MDN1: variants seen among roughly 807,000 people sequenced by gnomAD.
MDN1 encodes the protein midasin.
A neutral mutation model predicts 669.2 loss-of-function variants in MDN1; 266 were observed. That is an observed-to-expected ratio of 0.40 (90% CI 0.36 to 0.44). The LOEUF (loss-of-function observed/expected upper bound fraction) is 0.44. Ranked by LOEUF, MDN1 falls within the 20% of genes least tolerant of loss-of-function variation. The pLI is 1.00. For missense variants in MDN1, 5,940 were observed against 6,754.0 expected (o/e 0.88, Z 4.22); for synonymous variants, 2,385 against 2,457.1 (o/e 0.97, Z 0.87).
Position 89,722,944 on chromosome 6 carries a change from G to C in MDN1, c.5967+11C>G, listed in dbSNP as rs985457367. Reference sequence around the variant, plus strand: ...ATGGAAAGAAATACAAATACCAAGCGTGAAACTCACCTTTTTTTTGTCCTC... The same window carrying C: ...ATGGAAAGAAATACAAATACCAAGCCTGAAACTCACCTTTTTTTTGTCCTC... On this transcript the variant is annotated intron_variant, in intron 40 of 101. Coordinates refer to ENST00000369393, the MANE Select transcript of MDN1 (RefSeq NM_014611.3). 7 of 1,604,526 alleles carry C rather than the reference G, an allele frequency of 4.4e-6. No homozygotes were observed. In the African/African-American group the frequency reaches 9.4e-5, roughly 22 times the overall value.
chr6:89,752,862 C>T (rs1304540606), intron 22 of MDN1, among the ~76,000 whole-genome samples: 3 of 152,138 alleles, frequency 2.0e-5, no homozygotes, highest in South Asian at 2.1e-4. Context: ...CGGTGACTCA[C>T]GCCTGTAATC....
chr6:89,694,463 TA>T (rs961034274), intron 61 of MDN1, among the ~76,000 whole-genome samples: 1 of 152,252 alleles, frequency 6.6e-6, no homozygotes, highest in Non-Finnish European at 1.5e-5. Flanking sequence ...AAATATGTAC[TA>T]ACATACCATC....
chr6:89,817,866 T>G (rs1464400708), intron 1 of MDN1, among the ~76,000 whole-genome samples: 2 of 152,110 alleles, frequency 1.3e-5, no homozygotes, highest in African/African-American at 4.8e-5. Context: ...GTCCCATACA[T>G]AACAGAATGC....
At chr6:89,806,658 C>A (rs1768043963) in intron 1 of MDN1, among the ~76,000 whole-genome samples, 1 of 152,108 alleles carries the variant, frequency 6.6e-6, no homozygotes, top group African/African-American at 2.4e-5. Context: ...GCGGAGGTTG[C>A]AGTGAACTGA....
chr6:89,797,609 A>C, intron 2 of MDN1: 1 of 433,298 alleles, frequency 2.3e-6, no homozygotes, highest in Non-Finnish European at 4.7e-6. Flanking sequence ...CTGCCATGGG[A>C]TTCGTAGGCC....
rs780824892 is a variant in MDN1 at position 89,803,563 on chromosome 6, G to C, written c.103-9C>G. 2 of 1,585,338 alleles carry C rather than the reference G, an allele frequency of 1.3e-6. No individual in the cohort carries two copies. Among genetic ancestry groups the C allele is most frequent in the Non-Finnish European group, 1.7e-6 (2 of 1,160,866 alleles). ...TCTTGAGGTGTCCACACCTGAGAAAGGCAAAACAAAACATCTTTCACTTTT... is the reference window on the plus strand; with the variant it reads ...TCTTGAGGTGTCCACACCTGAGAAACGCAAAACAAAACATCTTTCACTTTT... On this transcript the variant is annotated splice_polypyrimidine_tract_variant and intron_variant, in intron 1 of 101. Coordinates refer to ENST00000369393, the MANE Select transcript of MDN1 (RefSeq NM_014611.3).
chr6:89,738,927 T>C (rs958509942), intron 32 of MDN1, among the ~76,000 whole-genome samples: 5 of 152,234 alleles, frequency 3.3e-5, no homozygotes, highest in Admixed American at 3.3e-4. Flanking sequence ...ATTCTACCTC[T>C]TGAATAACAA....
At chr6:89,802,119 C>CT (rs1430643787) in intron 2 of MDN1, among the ~76,000 whole-genome samples, 2 of 152,136 alleles carry the variant, frequency 1.3e-5, no homozygotes, top group African/African-American at 4.8e-5. Flanking sequence ...TGAGACAGAA[C>CT]TTTGATACCT....
In MDN1 at chr6:89,683,138, A is replaced by G. The variant is rs748219370; in HGVS notation, c.12096T>C (p.Ala4032=). 1.9e-6 allele frequency: 3 copies of G among 1,613,986 alleles called. No individual in the cohort carries two copies. The highest frequency in any genetic ancestry group is 2.2e-5 in the South Asian group (2 of 91,066). ...LRETLLAQPA[A]GQATIPEWCQ... Reference sequence around the variant, plus strand: ...CTGTCCCACAACCAAGTACCTGCCCAGCTGCTGGTTGGGCTAACAGGGTCT... The same window carrying G: ...CTGTCCCACAACCAAGTACCTGCCCGGCTGCTGGTTGGGCTAACAGGGTCT... Residue 4032 remains alanine (A), a synonymous_variant, in exon 73 of 102, where the codon GCT becomes GCC. Coordinates refer to ENST00000369393, the MANE Select transcript of MDN1 (RefSeq NM_014611.3).
intron 33 of MDN1, among the ~76,000 whole-genome samples, chr6:89,736,905 G>C (rs1345936505): frequency 6.6e-6 from 1 of 152,182 alleles, no homozygotes; most frequent in Non-Finnish European, 1.5e-5. Flanking sequence ...CTGAGGCTCT[G>C]AGCCTGGGCC....
At chr6:89,819,433 G>C (rs895946237) in intron 1 of MDN1, 73 bp downstream of exon 1, 11 of 1,359,404 alleles carry the variant, frequency 8.1e-6, no homozygotes, top group Non-Finnish European at 9.2e-6. Flanking sequence ...GAGTATCGGC[G>C]GGGGAGCGCA....
At position 89,648,288 on chromosome 6, in the gene MDN1, G is replaced by C. The variant is rs576267455; in HGVS notation, c.16248C>G (p.Thr5416=). 1.2e-6 allele frequency: 2 copies of C among 1,614,106 alleles called. No individual in the cohort carries two copies. Among genetic ancestry groups the C allele is most frequent in the South Asian group, 2.2e-5 (2 of 91,072 alleles). ...ESLAVIGNAL[T]LLEVGQIAVC... Reference sequence around the variant, plus strand: ...CTGCAATCTGACCCACTTCCAGGAGGGTTAGAGCATTTCCAATCACAGCCA... The same window carrying C: ...CTGCAATCTGACCCACTTCCAGGAGCGTTAGAGCATTTCCAATCACAGCCA... The change falls in exon 98 of 102, where the codon ACC becomes ACG. Residue 5416 remains threonine (T), a synonymous_variant. Transcript: ENST00000369393.
chr6:89,655,466 T>TA (rs769401593), intron 92 of MDN1, among the ~76,000 whole-genome samples: 1 of 152,232 alleles, frequency 6.6e-6, no homozygotes, highest in Non-Finnish European at 1.5e-5. Flanking sequence ...TTAAAGAGTT[T>TA]ATACTAAACC....
chr6:89,688,191 T>A lies in MDN1; in HGVS notation c.11260-18A>T, dbSNP rs770459421. 1 of 1,606,604 alleles carries A rather than the reference T, an allele frequency of 6.2e-7. No individual in the cohort carries two copies. The highest frequency in any genetic ancestry group is 1.1e-5 in the South Asian group (1 of 90,934). On this transcript the variant is annotated intron_variant, in intron 66 of 101. Transcript: ENST00000369393. ...ACCAGGAGCTGCAGAAATAAAGATT[T>A]GGGTATCTCAGTAGGAATACCAGTG... is the stretch of plus-strand genomic sequence containing the variant.
At chr6:89,731,791 T>G in intron 34 of MDN1, among the ~76,000 whole-genome samples, 1 of 114,436 alleles carries the variant, frequency 8.7e-6, no homozygotes, top group Non-Finnish European at 1.7e-5. Context: ...CTTTAATTCA[T>G]AGTACCGCCC....
rs748434401 is a variant in MDN1, at chr6:89,707,447, C to T, written c.7928G>A (p.Arg2643Gln). The change falls in exon 52 of 102, where the codon CGG becomes CAG. Residue 2643 changes from arginine (R) to glutamine (Q), a missense_variant. This residue lies in a region of MDN1 where 2,292 missense variants were observed against 2,638.3 expected (regional missense o/e 0.87). Transcript: ENST00000369393. ...AACCAAATTTGCTTCAGTAAAAACC[C>T]GTTTTTCCCGGTCAAGATATATGAT... ...KTIIYLDREK[R>Q]VFTEANLVSV... 34 of 1,613,188 alleles carry T rather than the reference C, an allele frequency of 2.1e-5. No homozygotes were observed. The South Asian group carries it at 2.6e-4, about 13-fold the overall frequency.
At chr6:89,719,357 G>T in intron 40 of MDN1, 132 bp from the exon 41 acceptor site, 2 of 690,922 alleles carry the variant, frequency 2.9e-6, no homozygotes, top group Non-Finnish European at 4.9e-6. Context: ...TTATCCTTTT[G>T]AATTTTCTCT....
rs762621299 is a variant in MDN1 at position 89,772,738 on chromosome 6, AAG to A, written c.1935-19_1935-18del. The A allele has an allele frequency of 3.0e-5, 49 of 1,610,362 alleles. No homozygotes were observed. Among genetic ancestry groups the A allele is most frequent in the Non-Finnish European group, 4.0e-5 (47 of 1,178,436 alleles). ...AACTTCTCCCTGGGAAGGAGAAAAA[AAG>A]AGTTTAAAAACCACGCTGCAAGCTT... On this transcript the variant is annotated intron_variant, in intron 13 of 101. Coordinates refer to ENST00000369393, the MANE Select transcript of MDN1 (RefSeq NM_014611.3).
chr6:89,700,151 C>CA lies in MDN1; in HGVS notation c.8781dup (p.Val2928CysfsTer21). 6.2e-7 allele frequency: 1 copy of CA among 1,614,186 alleles called. No individual in the cohort carries two copies. Among genetic ancestry groups the CA allele is most frequent in the Non-Finnish European group, 8.5e-7 (1 of 1,180,038 alleles). ...TACTCCATTGCAGGCCACAACTGAACACTCCTGGTGAGGTGGATTACGGAG... is the reference window on the plus strand; with the variant it reads ...TACTCCATTGCAGGCCACAACTGAACAACTCCTGGTGAGGTGGATTACGGAG... On this transcript the variant is annotated frameshift_variant, in exon 57 of 102. Coordinates refer to ENST00000369393, the MANE Select transcript of MDN1 (RefSeq NM_014611.3). LOFTEE classifies it high-confidence loss of function.
Sources: gnomAD v4.1 joint callset for allele counts (sites outside exome capture counted in the v4.1 genomes callset) on GRCh38, gnomAD v4.1.1 for gene constraint, gnomAD v4.1.1 regional missense constraint, MANE v1.5 for transcripts, NCBI Gene and HGNC (gene_info 2026-07-23, HGNC 2026-07-21) for gene names.